PRRC2B: variants seen among roughly 807,000 people sequenced by gnomAD.
PRRC2B encodes proline rich coiled-coil 2B, also known as protein PRRC2B.
In PRRC2B, 68 loss-of-function variants were observed where a neutral mutation model predicts 242.3. The ratio of observed to expected loss-of-function variants is 0.28; its 90% CI spans 0.23 to 0.34. The LOEUF (loss-of-function observed/expected upper bound fraction) is 0.34, where lower values mean the gene tolerates loss of function less well. Ranked by LOEUF, PRRC2B falls within the 10% of genes least tolerant of loss-of-function variation. The pLI is 1.00. For missense variants in PRRC2B, 2,835 were observed against 2,954.8 expected (o/e 0.96, Z 0.94); for synonymous variants, 1,228 against 1,173.6 (o/e 1.05, Z -0.95).
At chr9:131,441,903 T>C (rs1838594042) in intron 5 of PRRC2B, among the ~76,000 whole-genome samples, 2 of 152,134 alleles carry the variant, frequency 1.3e-5, no homozygotes, top group African/African-American at 4.8e-5. Context: ...TGCCTCAGTT[T>C]CTCATGGCAG....
intron 1 of PRRC2B, 53 bp from the exon 2 acceptor site, chr9:131,430,041 C>CTTT: frequency 1.5e-5 from 7 of 459,676 alleles, no homozygotes; most frequent in South Asian, 8.2e-5. Flanking sequence ...TAGTGACACT[C>CTTT]TTTTTTTTTT....
In PRRC2B at chr9:131,408,938, C is replaced by CA. The variant is rs1326482997; in HGVS notation, c.-52+14678dup. Among the ~76,000 whole-genome samples the CA allele has an allele frequency of 7.2e-5, 11 of 151,760 alleles. No homozygotes were observed. The South Asian group carries it at 2.3e-3, about 32-fold the overall frequency. On this transcript the variant is annotated intron_variant, in intron 1 of 31. Transcript: ENST00000683519. ...TTCTCCATGTTGGTCAGGCTGGTCT[C>CA]AAACTCCCAACCTCAGGTGATCCAC...
At position 131,484,746 on chromosome 9, in the gene PRRC2B, G is replaced by A. The variant is rs747207423; in HGVS notation, c.5521G>A (p.Gly1841Ser). 6.8e-6 allele frequency: 11 copies of A among 1,612,778 alleles called. No individual in the cohort carries two copies. Among genetic ancestry groups the A allele is most frequent in the South Asian group, 2.2e-5 (2 of 90,910 alleles). Residue 1841 changes from glycine to serine, a missense_variant, in exon 24 of 32, where the codon GGT (glycine) becomes AGT (serine). Transcript: ENST00000683519. ...RRDHHIQRAIGLSPMSFPTAD... is the reference protein window; with the variant it reads ...RRDHHIQRAISLSPMSFPTAD... ...GGACCATCACATCCAGAGGGCCATC[G>A]GTCTCTCCCCAATGTCCTTCCCCAC...
At chr9:131,484,047 C>A (rs1346292182) in intron 23 of PRRC2B, among the ~76,000 whole-genome samples, 1 of 152,204 alleles carries the variant, frequency 6.6e-6, no homozygotes, top group Non-Finnish European at 1.5e-5. Flanking sequence ...GTACAATATT[C>A]ATAGGTGTTG....
At chr9:131,414,385 A>G (rs1837584884) in intron 1 of PRRC2B, among the ~76,000 whole-genome samples, 1 of 143,616 alleles carries the variant, frequency 7.0e-6, no homozygotes, top group Admixed American at 7.1e-5. Flanking sequence ...GAAAAATTTG[A>G]TACATTAAAC....
At chr9:131,464,226 G>A (rs960135616) in intron 11 of PRRC2B, among the ~76,000 whole-genome samples, 7 of 152,240 alleles carry the variant, frequency 4.6e-5, no homozygotes, top group Admixed American at 6.5e-5. Context: ...ACAGGCGTGA[G>A]CCACTGCGCC....
intron 25 of PRRC2B, 131 bp from the exon 26 acceptor site, chr9:131,485,954 C>T (rs984408395): frequency 5.5e-6 from 4 of 724,422 alleles, no homozygotes; most frequent in East Asian, 2.7e-5. Context: ...ACCTAGCAGC[C>T]TCTGTACACA....
At chr9:131,443,474 C>A (rs1327762954) in intron 5 of PRRC2B, among the ~76,000 whole-genome samples, 1 of 151,550 alleles carries the variant, frequency 6.6e-6, no homozygotes, top group Non-Finnish European at 1.5e-5. Context: ...CACTTTGTCA[C>A]CCAGACTGGA....
At chr9:131,399,923 C>T (rs77587927) in intron 1 of PRRC2B, among the ~76,000 whole-genome samples, 18,992 of 152,050 alleles carry the variant, frequency 0.12, 1,267 homozygotes, top group African/African-American at 0.15. Context: ...GGGAGCATCT[C>T]GGCATGTTAA....
Position 131,394,135 on chromosome 9 carries a change from A to G in PRRC2B, c.-180A>G, listed in dbSNP as rs1223962168. ...CGCAGCGACGAGCGAGCCCGGGAGGAGGGAGGGAGCGAGCGAGCGAGCAGC... is the reference window on the plus strand; with the variant it reads ...CGCAGCGACGAGCGAGCCCGGGAGGGGGGAGGGAGCGAGCGAGCGAGCAGC... On this transcript the variant is annotated 5_prime_UTR_variant, in exon 1 of 32. Transcript: ENST00000683519. 6.7e-6 allele frequency: 1 copy of G among 148,246 alleles called. No individual in the cohort carries two copies. The highest frequency in any genetic ancestry group is 2.5e-5 in the African/African-American group (1 of 40,558). 9.2% of individuals were successfully genotyped at this position (148,246 alleles called of 1,614,324 possible).
At chr9:131,410,716 A>T (rs1837486371) in intron 1 of PRRC2B, among the ~76,000 whole-genome samples, 1 of 151,882 alleles carries the variant, frequency 6.6e-6, no homozygotes, top group East Asian at 1.9e-4. Flanking sequence ...AATTTTATTC[A>T]TTTTTTCTTT....
intron 1 of PRRC2B, among the ~76,000 whole-genome samples, chr9:131,414,414 T>C (rs1240588409): frequency 7.5e-6 from 1 of 132,728 alleles, no homozygotes; most frequent in African/African-American, 2.6e-5. Context: ...AGTTTGTATC[T>C]TTTGCTTTTT....
chr9:131,484,581 C>A (rs45454194), intron 23 of PRRC2B, 105 bp from the exon 24 acceptor site: 15 of 872,068 alleles, frequency 1.7e-5, no homozygotes, highest in Middle Eastern at 2.3e-4. Flanking sequence ...GTCATAGATA[C>A]ATTTGGACGA....
intron 1 of PRRC2B, among the ~76,000 whole-genome samples, chr9:131,374,180 AC>A (rs546094907): frequency 1.9e-3 from 284 of 152,116 alleles, no homozygotes; most frequent in Non-Finnish European, 2.8e-3. Context: ...TAACACATAT[AC>A]CCCCCAAATA....
rs1458554320 is a variant in PRRC2B, at chr9:131,444,236, C to T, written c.521C>T (p.Thr174Met). 8.1e-6 allele frequency: 13 copies of T among 1,613,888 alleles called. No homozygotes were observed. Among genetic ancestry groups the T allele is most frequent in the African/African-American group, 5.3e-5 (4 of 74,920 alleles). The change falls in exon 6 of 32, where the codon ACG (threonine) becomes ATG (methionine). Residue 174 changes from threonine (T) to methionine (M), a missense_variant. Around this residue, in one of 7 missense-constraint regions of PRRC2B, gnomAD observed 626 missense variants for 685.5 expected, o/e 0.91. Transcript: ENST00000683519. Reference sequence around the variant, plus strand: ...TCCTTCTCTCCCGAGGAATTTCCGACGCTGAAAGCAGCTGGAGGGCAGGAC... The same window carrying T: ...TCCTTCTCTCCCGAGGAATTTCCGATGCTGAAAGCAGCTGGAGGGCAGGAC... ...LLSFSPEEFP[T>M]LKAAGGQDKA...
At chr9:131,386,046 T>C (rs1836822798) in intron 1 of PRRC2B, among the ~76,000 whole-genome samples, 1 of 150,386 alleles carries the variant, frequency 6.6e-6, no homozygotes, top group Non-Finnish European at 1.5e-5. Flanking sequence ...GAGGATTTCC[T>C]GAACTTGGGA....
rs189184705 is a variant in PRRC2B, at chr9:131,498,116, A to G, written c.*2242A>G. 2 of 152,298 alleles carry G rather than the reference A, an allele frequency of 1.3e-5. No homozygotes were observed. The highest frequency in any genetic ancestry group is 2.9e-5 in the Non-Finnish European group (2 of 68,030). 9.4% of individuals were successfully genotyped at this position (152,298 alleles called of 1,614,324 possible). On this transcript the variant is annotated 3_prime_UTR_variant, in exon 32 of 32. Coordinates refer to ENST00000683519, the MANE Select transcript of PRRC2B (RefSeq NM_013318.4). Reference sequence around the variant, plus strand: ...GTGAACCTGGTATCAGACCCACAGTACTTGCTGTTTGAGAAAAAATAAAAA... The same window carrying G: ...GTGAACCTGGTATCAGACCCACAGTGCTTGCTGTTTGAGAAAAAATAAAAA...
At chr9:131,420,452 T>C (rs189585401) in intron 1 of PRRC2B, among the ~76,000 whole-genome samples, 48 of 66,642 alleles carry the variant, frequency 7.2e-4, no homozygotes, top group Non-Finnish European at 1.1e-3. Context: ...TTTCTTTTTC[T>C]TTTTCTTTCT....
chr9:131,471,012 C>G (rs953552823), intron 14 of PRRC2B, 29 bp downstream of exon 14: 4 of 1,532,676 alleles, frequency 2.6e-6, no homozygotes, highest in Non-Finnish European at 3.6e-6. Context: ...CGGTCCATAC[C>G]TGTATCACCC....
Sources: allele counts gnomAD v4.1 joint callset (sites outside exome capture counted in the v4.1 genomes callset), GRCh38; gene constraint gnomAD v4.1.1; regional missense constraint gnomAD v4.1.1; transcripts MANE v1.5; gene names NCBI Gene and HGNC (gene_info 2026-07-23, HGNC 2026-07-21).